The following HSPA12A variants were observed in gnomAD, a reference collection of about 807,000 sequenced individuals.
HSPA12A encodes the protein heat shock 70 kDa protein 12A.
In HSPA12A, 28 loss-of-function variants were observed where a neutral mutation model predicts 69.2. The ratio of observed to expected loss-of-function variants is 0.40; its 90% CI spans 0.30 to 0.55. The LOEUF is 0.55. HSPA12A is among the 20% of genes least tolerant of loss of function. HSPA12A has a pLI of 0.38. For synonymous variants in HSPA12A, 345 were observed against 370.5 expected, an observed-to-expected ratio of 0.93 and a Z score of 0.79; for missense variants, 686 against 900.7, an observed-to-expected ratio of 0.76 and a Z score of 3.05.
At chr10:116,823,129 G>A (rs1053249179) in intron 2 of HSPA12A, among the ~76,000 whole-genome samples, 1 of 152,142 alleles carries the variant, frequency 6.6e-6, no homozygotes, top group African/African-American at 2.4e-5. Context: ...CTAATCTGAT[G>A]GTTCCAGGGA....
At chr10:116,747,006 A>T, upstream of HSPA12A, among the ~76,000 whole-genome samples, 1 of 152,348 alleles carries the variant, frequency 6.6e-6, no homozygotes, top group Middle Eastern at 3.4e-3. Flanking sequence ...TGCTAAAGCA[A>T]CATAAAAACT....
intron 2 of HSPA12A, among the ~76,000 whole-genome samples, chr10:116,820,397 G>A (rs1332640363): frequency 2.0e-5 from 3 of 152,028 alleles, no homozygotes; most frequent in African/African-American, 7.2e-5. Context: ...CCTGGTCAGG[G>A]ATGCGGTTAC....
At position 116,681,907 on chromosome 10, in the gene HSPA12A, G is replaced by A. The variant is rs1170219892; in HGVS notation, c.836-30C>T. ...TGGCCGACAGAAAGAAAATGATGACGGGTAAGAAAGCATGAAAAAGCAGAG... is the reference window on the plus strand; with the variant it reads ...TGGCCGACAGAAAGAAAATGATGACAGGTAAGAAAGCATGAAAAAGCAGAG... On this transcript the variant is annotated intron_variant, in intron 7 of 11. Transcript: ENST00000369209. The A allele has an allele frequency of 4.4e-6, 7 of 1,594,856 alleles. No homozygotes were observed. In the African/African-American group the frequency reaches 5.4e-5, roughly 12 times the overall value.
chr10:116,795,340 G>A (rs1008697124), intron 2 of HSPA12A, among the ~76,000 whole-genome samples: 2 of 152,144 alleles, frequency 1.3e-5, no homozygotes, highest in Non-Finnish European at 2.9e-5. Context: ...GACAGGTAAT[G>A]TAGTTTTACA....
At chr10:116,703,584 G>A (rs1554881875) in intron 3 of HSPA12A, among the ~76,000 whole-genome samples, 1 of 152,034 alleles carries the variant, frequency 6.6e-6, no homozygotes, top group Non-Finnish European at 1.5e-5. Flanking sequence ...TATTAATCTA[G>A]GAGCAATACT....
At chr10:116,768,884 T>A (rs1554890080) in intron 2 of HSPA12A, among the ~76,000 whole-genome samples, 2 of 152,112 alleles carry the variant, frequency 1.3e-5, no homozygotes, top group Non-Finnish European at 2.9e-5. Context: ...AGGGCCAGCT[T>A]GTTCCTCTGA....
At chr10:116,847,516 C>G (rs1845913141) in intron 1 of HSPA12A, among the ~76,000 whole-genome samples, 1 of 152,172 alleles carries the variant, frequency 6.6e-6, no homozygotes, top group Non-Finnish European at 1.5e-5. Context: ...AATCTCACCT[C>G]AAACTACTTT....
intron 1 of HSPA12A, among the ~76,000 whole-genome samples, chr10:116,727,214 G>T (rs11598109): frequency 0.016 from 2,481 of 152,288 alleles, 28 homozygotes; most frequent in Non-Finnish European, 0.026. Flanking sequence ...TCCGCAACTT[G>T]GGCTTTTCTC....
At chr10:116,812,367 C>T (rs771905865) in intron 2 of HSPA12A, among the ~76,000 whole-genome samples, 10 of 151,972 alleles carry the variant, frequency 6.6e-5, no homozygotes, top group Non-Finnish European at 1.0e-4. Flanking sequence ...GCAGGAGAAT[C>T]GCTTGAACCC....
chr10:116,727,368 C>A (rs957931392), intron 1 of HSPA12A, among the ~76,000 whole-genome samples: 1 of 152,162 alleles, frequency 6.6e-6, no homozygotes, highest in Non-Finnish European at 1.5e-5. Context: ...TCCAGCAGGA[C>A]GACCTGGACT....
chr10:116,768,743 C>A (rs1377357387), intron 2 of HSPA12A, among the ~76,000 whole-genome samples: 1 of 152,224 alleles, frequency 6.6e-6, no homozygotes, highest in Admixed American at 6.5e-5. Context: ...GGCCTCAAGT[C>A]ATCCTCCCAC....
intron 2 of HSPA12A, among the ~76,000 whole-genome samples, chr10:116,822,044 G>A (rs547645000): frequency 6.6e-6 from 1 of 152,220 alleles, no homozygotes; most frequent in Admixed American, 6.5e-5. Flanking sequence ...TGTTCGCTAA[G>A]GCATTTACAT....
intron 2 of HSPA12A, among the ~76,000 whole-genome samples, chr10:116,788,664 A>G (rs1057400510): frequency 6.6e-6 from 1 of 151,878 alleles, no homozygotes; most frequent in Non-Finnish European, 1.5e-5. Flanking sequence ...TTGTAGCCTG[A>G]TTTTTTTCTC....
chr10:116,812,375 C>A (rs1845208751), intron 2 of HSPA12A, among the ~76,000 whole-genome samples: 1 of 152,042 alleles, frequency 6.6e-6, no homozygotes, highest in African/African-American at 2.4e-5. Context: ...ATCGCTTGAA[C>A]CCAGGAGGCA....
intron 2 of HSPA12A, among the ~76,000 whole-genome samples, chr10:116,798,581 A>T (rs978874338): frequency 6.6e-6 from 1 of 152,044 alleles, no homozygotes; most frequent in South Asian, 2.1e-4. Flanking sequence ...AGAGGATGGG[A>T]TGGGGTGGGG....
intron 1 of HSPA12A, among the ~76,000 whole-genome samples, chr10:116,726,015 A>ACACACACACG (rs1329554919): frequency 4.6e-5 from 2 of 43,276 alleles, no homozygotes; most frequent in Non-Finnish European, 4.7e-5. Flanking sequence ...AGGTTTAGAC[A>ACACACACACG]CACACACACA....
intron 2 of HSPA12A, among the ~76,000 whole-genome samples, chr10:116,805,063 C>T (rs538292700): frequency 5.9e-5 from 9 of 152,230 alleles, no homozygotes; most frequent in Non-Finnish European, 1.2e-4. Context: ...ACGCCTGTAA[C>T]CCCAGCACTT....
chr10:116,836,914 T>C (rs144685152), intron 1 of HSPA12A, among the ~76,000 whole-genome samples: 1 of 148,720 alleles, frequency 6.7e-6, no homozygotes, highest in East Asian at 1.9e-4. Context: ...GACACCCATA[T>C]AGGGTCCAGT....
At chr10:116,703,223 A>T (rs146942506) in intron 3 of HSPA12A, among the ~76,000 whole-genome samples, 2 of 152,186 alleles carry the variant, frequency 1.3e-5, no homozygotes, top group Non-Finnish European at 2.9e-5. Context: ...ATGACATGAC[A>T]CCCAGGAGTG....
Sources: gnomAD v4.1 joint callset for allele counts (sites outside exome capture counted in the v4.1 genomes callset) on GRCh38, gnomAD v4.1.1 for gene constraint, MANE v1.5 for transcripts, NCBI Gene and HGNC (gene_info 2026-07-23, HGNC 2026-07-21) for gene names.